The following ASTN2 variants were observed in gnomAD, a reference collection of about 807,000 sequenced individuals.
ASTN2 encodes astrotactin-2.
Under a neutral mutation model 139.8 loss-of-function variants are expected in ASTN2, and 54 were observed. The ratio of observed to expected loss-of-function variants is 0.39; its 90% confidence interval spans 0.31 to 0.48. The LOEUF (loss-of-function observed/expected upper bound fraction) is 0.48, where lower values mean the gene tolerates loss of function less well. Among genes scored for constraint, ASTN2 ranks in the 20% least tolerant of loss-of-function variants. The pLI is 0.95. For synonymous variants in ASTN2, 756 were observed against 719.5 expected (o/e 1.05, Z -0.81); for missense variants, 1,565 against 1,725.1 (o/e 0.91, Z 1.64).
At chr9:116,718,972 G>GTGTGTGTGTATA (rs56991546) in intron 16 of ASTN2, among the ~76,000 whole-genome samples, 5 of 99,990 alleles carry the variant, frequency 5.0e-5, no homozygotes, top group African/African-American at 1.9e-4. Flanking sequence ...ACCTGTATCT[G>GTGTGTGTGTATA]TACATATATA....
intron 10 of ASTN2, among the ~76,000 whole-genome samples, chr9:116,931,271 G>C (rs753677472): frequency 6.6e-6 from 1 of 151,934 alleles, no homozygotes; most frequent in Non-Finnish European, 1.5e-5. Context: ...CTATCCCTTC[G>C]AGCCTATTCA....
intron 1 of ASTN2, among the ~76,000 whole-genome samples, chr9:117,332,207 C>T (rs776944025): frequency 2.6e-5 from 4 of 152,290 alleles, no homozygotes; most frequent in Non-Finnish European, 5.9e-5. Flanking sequence ...TATCAGATAT[C>T]TGCTCTGTCA....
chr9:117,216,606 A>G (rs1305077583), intron 2 of ASTN2, among the ~76,000 whole-genome samples: 1 of 152,244 alleles, frequency 6.6e-6, no homozygotes, highest in African/African-American at 2.4e-5. Context: ...GATTATGTAT[A>G]TATCACCTTA....
chr9:116,989,156 GCTAT>G (rs910936114), intron 7 of ASTN2, among the ~76,000 whole-genome samples: 6 of 151,996 alleles, frequency 3.9e-5, no homozygotes, highest in African/African-American at 1.2e-4. Context: ...CCAAGCAGCA[GCTAT>G]CTTTGGGAAT....
intron 19 of ASTN2, among the ~76,000 whole-genome samples, chr9:116,539,404 A>C (rs1208045949): frequency 6.6e-6 from 1 of 152,148 alleles, no homozygotes; most frequent in African/African-American, 2.4e-5. Context: ...AAGAAATGTA[A>C]CATTACTAAC....
At chr9:117,129,506 C>G (rs1487085389) in intron 4 of ASTN2, among the ~76,000 whole-genome samples, 1 of 152,148 alleles carries the variant, frequency 6.6e-6, no homozygotes, top group East Asian at 1.9e-4. Flanking sequence ...TTTCTCTCTT[C>G]TTAAGAAAAT....
chr9:117,219,477 A>G (rs1832443297), intron 2 of ASTN2, among the ~76,000 whole-genome samples: 1 of 152,200 alleles, frequency 6.6e-6, no homozygotes, highest in Non-Finnish European at 1.5e-5. Flanking sequence ...GAAATCTCCA[A>G]GGGTGACAAG....
chr9:117,191,464 A>G (rs1831347342), intron 3 of ASTN2, among the ~76,000 whole-genome samples: 1 of 152,238 alleles, frequency 6.6e-6, no homozygotes, highest in African/African-American at 2.4e-5. Flanking sequence ...TTTATACTTT[A>G]CTTTCAAGTG....
intron 13 of ASTN2, among the ~76,000 whole-genome samples, chr9:116,753,947 C>G (rs951327140): frequency 6.6e-6 from 1 of 151,398 alleles, no homozygotes; most frequent in East Asian, 1.9e-4. Context: ...CCTCCCCGAG[C>G]CCCACACCTT....
At chr9:117,180,857 T>C in intron 3 of ASTN2, 2 of 1,566,672 alleles carry the variant, frequency 1.3e-6, no homozygotes, top group Non-Finnish European at 1.7e-6. Context: ...ATGCGGATCT[T>C]CTGGTGGCCA....
At chr9:117,334,577 T>A (rs1315194467) in intron 1 of ASTN2, among the ~76,000 whole-genome samples, 1 of 151,688 alleles carries the variant, frequency 6.6e-6, no homozygotes, top group African/African-American at 2.4e-5. Flanking sequence ...CTCTACCACC[T>A]GGTTCCAGCC....
intron 1 of ASTN2, among the ~76,000 whole-genome samples, chr9:117,399,501 G>A (rs1418254471): frequency 6.6e-6 from 1 of 152,158 alleles, no homozygotes; most frequent in African/African-American, 2.4e-5. Context: ...AATTTAGACG[G>A]CACATGAGTG....
chr9:116,791,334 A>T (rs546836978), intron 13 of ASTN2, among the ~76,000 whole-genome samples: 1 of 152,332 alleles, frequency 6.6e-6, no homozygotes, highest in Non-Finnish European at 1.5e-5. Context: ...ATGACTTCTG[A>T]GGTGTGATTT....
chr9:116,674,950 G>C (rs1443928205), intron 16 of ASTN2, among the ~76,000 whole-genome samples: 1 of 152,126 alleles, frequency 6.6e-6, no homozygotes, highest in Non-Finnish European at 1.5e-5. Flanking sequence ...AGCGAGCTCT[G>C]CTTGAATTAC....
chr9:116,987,431 G>A (rs1261660029), intron 7 of ASTN2, among the ~76,000 whole-genome samples: 1 of 152,174 alleles, frequency 6.6e-6, no homozygotes, highest in Non-Finnish European at 1.5e-5. Context: ...CTCAGCCAGG[G>A]CAACCCTTTC....
At chr9:117,137,246 A>G (rs762333096) in intron 4 of ASTN2, among the ~76,000 whole-genome samples, 1 of 152,194 alleles carries the variant, frequency 6.6e-6, no homozygotes, top group African/African-American at 2.4e-5. Flanking sequence ...AGCTACAAAA[A>G]TACCTTGGAG....
At chr9:116,989,227 T>C (rs1180008082) in intron 7 of ASTN2, among the ~76,000 whole-genome samples, 1 of 152,158 alleles carries the variant, frequency 6.6e-6, no homozygotes, top group Admixed American at 6.5e-5. Flanking sequence ...TTTTCCAGAG[T>C]GCACTTTGAG....
Position 116,620,296 on chromosome 9 carries a change from C to A in ASTN2, c.3206+14G>T, listed in dbSNP as rs776882936. 5.0e-6 allele frequency: 8 copies of A among 1,613,948 alleles called. No homozygotes were observed. The Middle Eastern group carries it at 5.0e-4, about 100-fold the overall frequency. ...AAAGGGATGGCCAAAGGAAAAGGGG[C>A]CATACATACGTACACCGGCTGCAGA... is the stretch of plus-strand genomic sequence containing the variant. On this transcript the variant is annotated intron_variant, in intron 18 of 22. Coordinates refer to ENST00000313400, the MANE Select transcript of ASTN2 (RefSeq NM_001365068.1).
chr9:117,181,013 G>A, intron 3 of ASTN2: 1 of 1,592,010 alleles, frequency 6.3e-7, no homozygotes, highest in East Asian at 2.2e-5. Context: ...ATGCCTGTTT[G>A]GAGCCTGCAC....
Sources: gnomAD v4.1 joint callset for allele counts (sites outside exome capture counted in the v4.1 genomes callset) on GRCh38, gnomAD v4.1.1 for gene constraint, MANE v1.5 for transcripts, NCBI Gene and HGNC (gene_info 2026-07-23, HGNC 2026-07-21) for gene names.